Variants in COL22A1 observed in about 807,000 individuals in gnomAD.
COL22A1 encodes the protein collagen type XXII alpha 1 chain.
In COL22A1, 221 loss-of-function variants were observed where a neutral mutation model predicts 248.9. The observed-to-expected ratio is 0.89, with a 90% CI of 0.80 to 0.99. The LOEUF (loss-of-function observed/expected upper bound fraction) is 0.99. COL22A1 is among the 50% of genes least tolerant of loss of function. The pLI, the probability that COL22A1 is intolerant of heterozygous loss-of-function variation, is 0.00. For missense variants in COL22A1, 2,240 were observed against 2,179.0 expected (o/e 1.03, Z -0.56); for synonymous variants, 891 against 793.4 (o/e 1.12, Z -2.07).
At chr8:138,794,646 T>C (rs550034835) in intron 12 of COL22A1, among the ~76,000 whole-genome samples, 2 of 152,198 alleles carry the variant, frequency 1.3e-5, no homozygotes, top group Non-Finnish European at 2.9e-5. Flanking sequence ...AGTGGATGGA[T>C]GGAAAAAGAA....
chr8:138,594,725 G>A (rs191068527), intron 62 of COL22A1, among the ~76,000 whole-genome samples: 9 of 152,324 alleles, frequency 5.9e-5, no homozygotes, highest in Non-Finnish European at 1.0e-4. Context: ...GCAGAACGAC[G>A]GAAGCCATAG....
chr8:138,660,912 ACAGAC>A (rs1823828899), intron 43 of COL22A1, among the ~76,000 whole-genome samples: 13 of 147,722 alleles, frequency 8.8e-5, no homozygotes, highest in Non-Finnish European at 3.0e-5. Context: ...ACACACATAC[ACAGAC>A]ACACACACAG....
chr8:138,661,407 TATAAGG>T (rs1823944645), intron 43 of COL22A1, among the ~76,000 whole-genome samples: 1 of 152,228 alleles, frequency 6.6e-6, no homozygotes, highest in Admixed American at 6.5e-5. Context: ...ACCTTTGTCC[TATAAGG>T]ACTCATGGTT....
At chr8:138,892,453 G>C (rs989876209) in intron 1 of COL22A1, among the ~76,000 whole-genome samples, 1 of 152,162 alleles carries the variant, frequency 6.6e-6, no homozygotes, top group Admixed American at 6.5e-5. Context: ...TTCACCAAAC[G>C]TGAGGTTTCT....
At chr8:138,852,730 G>A (rs945743340) in intron 3 of COL22A1, among the ~76,000 whole-genome samples, 6 of 152,178 alleles carry the variant, frequency 3.9e-5, no homozygotes, top group Non-Finnish European at 7.3e-5. Flanking sequence ...AGGAGACTGA[G>A]AAGGGGTGGC....
chr8:138,703,820 G>A (rs1463258185), intron 30 of COL22A1, among the ~76,000 whole-genome samples: 1 of 152,124 alleles, frequency 6.6e-6, no homozygotes, highest in East Asian at 1.9e-4. Context: ...CCAAAGCAGG[G>A]CAGGGCATTG....
rs560795537 is a variant in COL22A1 at position 138,708,018 on chromosome 8, A to C, written c.2518-4671T>G. ...CAGAAAAACAGAGAGCCAAATCACGAGTGAACTCCCATTCACAATTGCTTC... is the reference window on the plus strand; with the variant it reads ...CAGAAAAACAGAGAGCCAAATCACGCGTGAACTCCCATTCACAATTGCTTC... On this transcript the variant is annotated intron_variant, in intron 30 of 64. Coordinates refer to ENST00000303045, the MANE Select transcript of COL22A1 (RefSeq NM_152888.3). 2.6e-5 allele frequency among the ~76,000 whole-genome samples: 4 copies of C among 152,340 alleles called. No individual in the cohort carries two copies. The South Asian group carries it at 6.2e-4, about 24-fold the overall frequency.
intron 21 of COL22A1, 67 bp from the exon 22 acceptor site, chr8:138,751,578 G>T: frequency 1.7e-6 from 2 of 1,146,054 alleles, no homozygotes; most frequent in Non-Finnish European, 2.5e-6. Context: ...CAATGGCATA[G>T]CTTAGGCTTT....
intron 2 of COL22A1, among the ~76,000 whole-genome samples, chr8:138,879,161 A>T (rs189075328): frequency 6.6e-6 from 1 of 152,204 alleles, no homozygotes; most frequent in African/African-American, 2.4e-5. Context: ...TACCAGACAC[A>T]CTGATACATA....
intron 5 of COL22A1, among the ~76,000 whole-genome samples, chr8:138,828,365 C>A (rs1488006602): frequency 6.6e-6 from 1 of 151,982 alleles, no homozygotes; most frequent in Non-Finnish European, 1.5e-5. Flanking sequence ...TCAGTTGTGA[C>A]AACAAAATTG....
At chr8:138,609,001 C>T (rs151148601) in intron 56 of COL22A1, among the ~76,000 whole-genome samples, 87 of 152,392 alleles carry the variant, frequency 5.7e-4, no homozygotes, top group African/African-American at 2.1e-3. Flanking sequence ...GAGAATCACT[C>T]TCCGTTGATC....
chr8:138,779,809 T>A (rs1197577655), intron 13 of COL22A1, among the ~76,000 whole-genome samples: 1 of 152,220 alleles, frequency 6.6e-6, no homozygotes, highest in African/African-American at 2.4e-5. Flanking sequence ...TCTCCCAGAC[T>A]GGAGTGCAAT....
In COL22A1 at chr8:138,883,295, G is replaced by A. The variant is rs945930455; in HGVS notation, c.-72-51C>T. 42 of 1,018,502 alleles carry A rather than the reference G, an allele frequency of 4.1e-5. No homozygotes were observed. In the Admixed American group the frequency reaches 9.5e-4, roughly 23 times the overall value. 63.1% of individuals were successfully genotyped at this position (1,018,502 alleles called of 1,614,324 possible). On this transcript the variant is annotated intron_variant, in intron 1 of 64. Coordinates refer to ENST00000303045, the MANE Select transcript of COL22A1 (RefSeq NM_152888.3). Reference sequence around the variant, plus strand: ...GAAGGCTCTCAAGCTGAAAGTCTGTGAGAGGCAAACTCTGGGCCCTGCCCA... The same window carrying A: ...GAAGGCTCTCAAGCTGAAAGTCTGTAAGAGGCAAACTCTGGGCCCTGCCCA...
At chr8:138,808,204 A>G (rs1340812588) in intron 9 of COL22A1, among the ~76,000 whole-genome samples, 3 of 152,362 alleles carry the variant, frequency 2.0e-5, no homozygotes, top group African/African-American at 7.2e-5. Flanking sequence ...CAAAGACTAC[A>G]TGCCTCAGAC....
At position 138,694,876 on chromosome 8, in the gene COL22A1, C is replaced by G. The variant is rs773547440; in HGVS notation, c.2596G>C (p.Glu866Gln). The change falls in exon 33 of 65, where the codon GAA (glutamate) becomes CAA (glutamine). Residue 866 changes from glutamate to glutamine, a missense_variant. By Grantham distance (29) the Glu-to-Gln change is conservative (BLOSUM62 2). Coordinates refer to ENST00000303045, the MANE Select transcript of COL22A1 (RefSeq NM_152888.3). ...LFTPHPRMPGEQGPKGEKGDP... is the reference protein window; with the variant it reads ...LFTPHPRMPGQQGPKGEKGDP... ...CCCTTCTCTCCTTTGGGCCCTTGTT[C>G]TCCCTGTTGGTGAGAAGCATAGGGT... The G allele has an allele frequency of 6.2e-7, 1 of 1,614,048 alleles. No individual in the cohort carries two copies. Among genetic ancestry groups the G allele is most frequent in the South Asian group, 1.1e-5 (1 of 91,070 alleles).
intron 1 of COL22A1, among the ~76,000 whole-genome samples, chr8:138,886,347 C>T (rs973088974): frequency 4.6e-5 from 7 of 151,748 alleles, no homozygotes; most frequent in East Asian, 1.9e-4. Context: ...TACTGGTGGC[C>T]GGCACAAAGC....
At chr8:138,769,563 C>T (rs34955178) in intron 16 of COL22A1, among the ~76,000 whole-genome samples, 1,654 of 152,244 alleles carry the variant, frequency 0.011, 12 homozygotes, top group Non-Finnish European at 0.017. Context: ...ACTCCACCAC[C>T]ACCCTGTTCT....
chr8:138,700,712 C>T (rs1184694690), intron 31 of COL22A1, among the ~76,000 whole-genome samples: 2 of 152,198 alleles, frequency 1.3e-5, no homozygotes, highest in East Asian at 1.9e-4. Context: ...AGGTCGGGCG[C>T]GGTGGCTCAC....
At chr8:138,621,257 A>G (rs1819781596) in intron 52 of COL22A1, among the ~76,000 whole-genome samples, 1 of 152,204 alleles carries the variant, frequency 6.6e-6, no homozygotes, top group South Asian at 2.1e-4. Context: ...CGTAATGGGT[A>G]CTTGACTTTG....
Sources: allele counts gnomAD v4.1 joint callset (sites outside exome capture counted in the v4.1 genomes callset), GRCh38; gene constraint gnomAD v4.1.1; transcripts MANE v1.5; gene names NCBI Gene and HGNC (gene_info 2026-07-23, HGNC 2026-07-21).